The following MGAT4C variants were observed in gnomAD, a reference collection of about 807,000 sequenced individuals.
MGAT4C encodes MGAT4 family member C.
In MGAT4C, 19 loss-of-function variants were observed where a neutral mutation model predicts 40.1. The observed-to-expected ratio is 0.47, with a 90% CI of 0.33 to 0.70. MGAT4C has a LOEUF of 0.70. Ranked by LOEUF, MGAT4C falls within the 30% of genes least tolerant of loss-of-function variation. MGAT4C has a pLI of 0.02. For missense variants in MGAT4C, 491 were observed against 563.2 expected, an observed-to-expected ratio of 0.87 and a Z score of 1.30; for synonymous variants, 181 against 187.1, an observed-to-expected ratio of 0.97 and a Z score of 0.27.
intron 1 of MGAT4C, among the ~76,000 whole-genome samples, chr12:86,184,566 A>G (rs1024419265): frequency 2.6e-5 from 4 of 151,966 alleles, no homozygotes; most frequent in African/African-American, 9.6e-5. Flanking sequence ...GGAAAGGGTT[A>G]TTAGTTTTGA....
At chr12:86,802,601 G>A (rs1442748839) in intron 1 of MGAT4C, among the ~76,000 whole-genome samples, 1 of 151,604 alleles carries the variant, frequency 6.6e-6, no homozygotes, top group Admixed American at 6.6e-5. Context: ...AAAATCACAA[G>A]CATTCTTATA....
rs531724852 is a variant in MGAT4C at position 86,629,585 on chromosome 12, C to T, written c.-229+97624G>A. Among the ~76,000 whole-genome samples, 10 of 152,284 alleles carry T rather than the reference C, an allele frequency of 6.6e-5. No homozygotes were observed. In the East Asian group the frequency reaches 1.7e-3, roughly 26 times the overall value. ...ACCACAGTGCAATCAACTTACAACTCAGGATTAAGGAACTCACTCAAAACC... is the reference window on the plus strand; with the variant it reads ...ACCACAGTGCAATCAACTTACAACTTAGGATTAAGGAACTCACTCAAAACC... On this transcript the variant is annotated intron_variant, in intron 2 of 7. Transcript: ENST00000548651.
At chr12:86,196,975 A>C (rs1250698901) in intron 1 of MGAT4C, among the ~76,000 whole-genome samples, 1 of 152,200 alleles carries the variant, frequency 6.6e-6, no homozygotes, top group Non-Finnish European at 1.5e-5. Context: ...CTTGCTTAAA[A>C]ATTTCTTCAA....
chr12:86,212,891 C>CAAA (rs71076172), intron 1 of MGAT4C, among the ~76,000 whole-genome samples: 763 of 22,468 alleles, frequency 0.034, 109 homozygotes, highest in African/African-American at 0.044. Context: ...GACTCCGTCT[C>CAAA]AAAAAAAAAA....
At chr12:86,163,866 C>A (rs1412339959) in intron 1 of MGAT4C, among the ~76,000 whole-genome samples, 1 of 152,106 alleles carries the variant, frequency 6.6e-6, no homozygotes, top group Non-Finnish European at 1.5e-5. Context: ...AAACTTAATT[C>A]ATCATAACCC....
intron 2 of MGAT4C, among the ~76,000 whole-genome samples, chr12:86,554,761 T>C (rs776833041): frequency 2.6e-5 from 4 of 152,220 alleles, no homozygotes; most frequent in Admixed American, 6.5e-5. Flanking sequence ...ATTGCTGCTA[T>C]AACAAATTGC....
intron 2 of MGAT4C, among the ~76,000 whole-genome samples, chr12:86,489,224 G>A (rs969647985): frequency 6.6e-6 from 1 of 152,148 alleles, no homozygotes; most frequent in Non-Finnish European, 1.5e-5. Context: ...GAGAGAGGTA[G>A]AGAGGTGGCT....
At chr12:86,756,886 CA>C (rs1951313861) in intron 1 of MGAT4C, among the ~76,000 whole-genome samples, 1 of 152,018 alleles carries the variant, frequency 6.6e-6, no homozygotes, top group Admixed American at 6.6e-5. Context: ...GCTAGGTTTC[CA>C]ATGGGAAAAA....
intron 2 of MGAT4C, among the ~76,000 whole-genome samples, chr12:86,603,436 CTA>C (rs1447675949): frequency 8.7e-6 from 1 of 114,452 alleles, no homozygotes; most frequent in Non-Finnish European, 1.6e-5. Flanking sequence ...AGTATATATA[CTA>C]TATATAGTCT....
At chr12:86,718,418 G>A (rs1353089805) in intron 2 of MGAT4C, among the ~76,000 whole-genome samples, 2 of 152,184 alleles carry the variant, frequency 1.3e-5, no homozygotes, top group African/African-American at 2.4e-5. Context: ...TCATGCAGCA[G>A]CAGTCACACA....
intron 1 of MGAT4C, among the ~76,000 whole-genome samples, chr12:86,157,953 A>G (rs930161342): frequency 1.3e-5 from 2 of 152,206 alleles, no homozygotes; most frequent in African/African-American, 4.8e-5. Context: ...ATTCAGTAAT[A>G]AAGAATATTA....
At chr12:86,682,091 G>A (rs1162566935) in intron 2 of MGAT4C, among the ~76,000 whole-genome samples, 1 of 152,016 alleles carries the variant, frequency 6.6e-6, no homozygotes, top group African/African-American at 2.4e-5. Context: ...CTGAATGCAG[G>A]TGCATGGTTG....
chr12:86,411,862 G>C (rs1956613042), intron 3 of MGAT4C, among the ~76,000 whole-genome samples: 3 of 152,124 alleles, frequency 2.0e-5, no homozygotes, highest in South Asian at 2.1e-4. Flanking sequence ...GCCAGACTCA[G>C]GGCCTCACTA....
chr12:86,464,366 G>A (rs1219342127), intron 2 of MGAT4C, among the ~76,000 whole-genome samples: 1 of 152,164 alleles, frequency 6.6e-6, no homozygotes, highest in Non-Finnish European at 1.5e-5. Context: ...AGTGGGAATA[G>A]AGAAAATTGT....
At chr12:86,712,637 AC>A (rs1361234075) in intron 2 of MGAT4C, among the ~76,000 whole-genome samples, 2 of 152,120 alleles carry the variant, frequency 1.3e-5, no homozygotes, top group Admixed American at 1.3e-4. Flanking sequence ...TGAATCACTA[AC>A]TTGAGTTTTT....
At position 86,824,253 on chromosome 12, in the gene MGAT4C, C is replaced by T. The variant is rs77888538; in HGVS notation, c.-262+14413G>A. 3.0e-3 allele frequency among the ~76,000 whole-genome samples: 458 copies of T among 151,340 alleles called. 4 individuals carry two copies. The highest frequency in any genetic ancestry group is 0.011 in the African/African-American group (442 of 41,380). Reference sequence around the variant, plus strand: ...AAATAGTCCCAAAGCACAAGAGTAGCGATGCTGGTAATTTGGCTATGCCAA... The same window carrying T: ...AAATAGTCCCAAAGCACAAGAGTAGTGATGCTGGTAATTTGGCTATGCCAA... On this transcript the variant is annotated intron_variant, in intron 1 of 7. Transcript: ENST00000548651.
Position 86,566,525 on chromosome 12 carries a change from CATATACATATATATATATAT to C in MGAT4C, c.-228-131280_-228-131261del, listed in dbSNP as rs1367743805. The stretch of plus-strand genomic sequence containing the variant: ...CATGTGAGTTAATACTTAGTAAACT[CATATACATATATATATATAT>C]ATATATATATATATATATATATATA... On this transcript the variant is annotated intron_variant, in intron 2 of 7. Coordinates refer to the MGAT4C transcript ENST00000548651. Among the ~76,000 whole-genome samples, 63 of 70,966 alleles carry C rather than the reference CATATACATATATATATATAT, an allele frequency of 8.9e-4. 1 individual carries two copies. Among genetic ancestry groups the C allele is most frequent in the African/African-American group, 2.2e-3 (47 of 21,774 alleles). 46.6% of individuals were successfully genotyped at this position (70,966 alleles called of 152,430 possible).
intron 2 of MGAT4C, chr12:86,015,809 T>A (rs1173463738): frequency 6.6e-6 from 1 of 152,192 alleles, no homozygotes; most frequent in Non-Finnish European, 1.5e-5. Context: ...AGTAATCACA[T>A]TCAAGGACTA....
At chr12:86,018,639 T>C (rs1190887608) in intron 2 of MGAT4C, among the ~76,000 whole-genome samples, 3 of 152,148 alleles carry the variant, frequency 2.0e-5, no homozygotes, top group African/African-American at 7.2e-5. Flanking sequence ...GGTACAAAAG[T>C]CTCAGATACT....
Sources: gnomAD v4.1 joint callset for allele counts (sites outside exome capture counted in the v4.1 genomes callset) on GRCh38, gnomAD v4.1.1 for gene constraint, MANE v1.5 for transcripts, NCBI Gene and HGNC (gene_info 2026-07-23, HGNC 2026-07-21) for gene names.